Variants in CERS6 observed in about 807,000 individuals in gnomAD.
CERS6 encodes ceramide synthase 6, also known as LAG1 homolog, ceramide synthase 6.
Under a neutral mutation model 56.8 loss-of-function variants are expected in CERS6, and 26 were observed. The observed-to-expected ratio is 0.46, with a 90% confidence interval of 0.34 to 0.63. The LOEUF (loss-of-function observed/expected upper bound fraction) is 0.63. Among genes scored for constraint, CERS6 ranks in the 30% least tolerant of loss-of-function variants. CERS6 has a pLI of 0.01. For missense variants in CERS6, 415 were observed against 467.5 expected (o/e 0.89, Z 1.04); for synonymous variants, 164 against 173.3 (o/e 0.95, Z 0.42).
chr2:168,570,189 C>G (rs945081170), intron 3 of CERS6, among the ~76,000 whole-genome samples: 1 of 152,136 alleles, frequency 6.6e-6, no homozygotes, highest in Admixed American at 6.5e-5. Context: ...CCTAAGGAGG[C>G]GGAATCCATG....
At chr2:168,622,669 A>G (rs973388234) in intron 3 of CERS6, among the ~76,000 whole-genome samples, 1 of 152,222 alleles carries the variant, frequency 6.6e-6, no homozygotes, top group African/African-American at 2.4e-5. Context: ...CCAACCTCAA[A>G]GACTTTGCAT....
intron 1 of CERS6, among the ~76,000 whole-genome samples, chr2:168,504,414 G>T (rs916427551): frequency 2.6e-5 from 4 of 152,108 alleles, no homozygotes; most frequent in African/African-American, 9.7e-5. Flanking sequence ...TAACAGGGTA[G>T]AGTTGTGGGG....
chr2:168,624,027 G>T (rs1168408619), intron 3 of CERS6, among the ~76,000 whole-genome samples: 2 of 152,146 alleles, frequency 1.3e-5, no homozygotes, highest in African/African-American at 4.8e-5. Context: ...AAATTTAAGA[G>T]TGCAGGATTA....
At chr2:168,656,756 C>A (rs1186528676) in intron 4 of CERS6, among the ~76,000 whole-genome samples, 1 of 152,102 alleles carries the variant, frequency 6.6e-6, no homozygotes, top group Non-Finnish European at 1.5e-5. Flanking sequence ...CGGGTTGCCA[C>A]TGCTGGCTCG....
At chr2:168,472,834 G>T (rs1280368810) in intron 1 of CERS6, among the ~76,000 whole-genome samples, 1 of 152,128 alleles carries the variant, frequency 6.6e-6, no homozygotes, top group Non-Finnish European at 1.5e-5. Context: ...CTTGAATATA[G>T]ATGGTCTCAC....
intron 1 of CERS6, among the ~76,000 whole-genome samples, chr2:168,469,136 A>AT (rs533054712): frequency 2.0e-5 from 3 of 152,058 alleles, no homozygotes; most frequent in African/African-American, 4.8e-5. Flanking sequence ...ATATGTATGT[A>AT]TTTTTTTTCT....
intron 8 of CERS6, among the ~76,000 whole-genome samples, chr2:168,728,989 G>A (rs1205283478): frequency 7.5e-6 from 1 of 133,984 alleles, no homozygotes; most frequent in African/African-American, 2.9e-5. Flanking sequence ...CAGCCTGGCC[G>A]ACAGAGCGAG....
intron 2 of CERS6, among the ~76,000 whole-genome samples, chr2:168,556,309 G>T (rs1695678122): frequency 6.6e-6 from 1 of 152,034 alleles, no homozygotes. Context: ...CACATTAAAA[G>T]AATTGTTTAT....
intron 3 of CERS6, among the ~76,000 whole-genome samples, chr2:168,595,885 G>A (rs2105406605): frequency 6.6e-6 from 1 of 152,138 alleles, no homozygotes; most frequent in Non-Finnish European, 1.5e-5. Context: ...TTCAATGTAA[G>A]TAGACTTAAG....
intron 1 of CERS6, among the ~76,000 whole-genome samples, chr2:168,461,231 A>C (rs1308510934): frequency 6.6e-6 from 1 of 152,160 alleles, no homozygotes; most frequent in African/African-American, 2.4e-5. Flanking sequence ...CTGGATGTTA[A>C]ACCCTATAAG....
intron 1 of CERS6, among the ~76,000 whole-genome samples, chr2:168,514,187 T>C (rs934124980): frequency 6.6e-6 from 1 of 152,216 alleles, no homozygotes; most frequent in African/African-American, 2.4e-5. Context: ...TCAGAGTCTG[T>C]CAGGCCAAAT....
intron 3 of CERS6, among the ~76,000 whole-genome samples, chr2:168,600,612 C>T (rs1256143212): frequency 3.3e-5 from 5 of 152,194 alleles, no homozygotes; most frequent in Non-Finnish European, 7.3e-5. Context: ...AGTTCAACCC[C>T]TTGGCATCTC....
rs184468665 is a variant in CERS6, at chr2:168,720,516, G to A, written c.845+2538G>A. The stretch of plus-strand genomic sequence containing the variant: ...AGTCTGCTGTTTGCTGCGTCCGTAC[G>A]AGTCAGGATAGTATACTGGTTAGCT... On this transcript the variant is annotated intron_variant, in intron 8 of 9. Transcript: ENST00000305747. 4.6e-5 allele frequency among the ~76,000 whole-genome samples: 7 copies of A among 152,194 alleles called. No individual in the cohort carries two copies. The East Asian group carries it at 5.8e-4, about 13-fold the overall frequency.
intron 1 of CERS6, among the ~76,000 whole-genome samples, chr2:168,491,241 G>T (rs1056931954): frequency 1.3e-5 from 2 of 152,206 alleles, no homozygotes; most frequent in African/African-American, 4.8e-5. Flanking sequence ...AAGGAAAGAG[G>T]ATTAGGTTAA....
intron 2 of CERS6, among the ~76,000 whole-genome samples, chr2:168,555,074 G>T (rs1695651537): frequency 1.3e-5 from 2 of 151,938 alleles, no homozygotes; most frequent in Admixed American, 6.6e-5. Flanking sequence ...AAGATCTAAG[G>T]GGGTACATTT....
At chr2:168,688,333 G>T (rs1686408197) in intron 4 of CERS6, among the ~76,000 whole-genome samples, 1 of 151,732 alleles carries the variant, frequency 6.6e-6, no homozygotes, top group Non-Finnish European at 1.5e-5. Flanking sequence ...TTTTATCAAT[G>T]GAGGCAGGAG....
At chr2:168,544,514 C>T (rs968708383) in intron 1 of CERS6, among the ~76,000 whole-genome samples, 2 of 152,134 alleles carry the variant, frequency 1.3e-5, no homozygotes, top group South Asian at 2.1e-4. Context: ...GAGAGGGATG[C>T]ACCTGTTACA....
intron 8 of CERS6, among the ~76,000 whole-genome samples, chr2:168,744,044 C>G (rs1684015825): frequency 7.8e-6 from 1 of 127,768 alleles, no homozygotes; most frequent in Non-Finnish European, 1.6e-5. Flanking sequence ...GTCACCCAGG[C>G]TGGAAGGCTG....
chr2:168,513,856 C>T (rs776144366), intron 1 of CERS6, among the ~76,000 whole-genome samples: 53 of 152,116 alleles, frequency 3.5e-4, no homozygotes, highest in East Asian at 1.9e-4. Flanking sequence ...GAGGTGGAGC[C>T]GGACCAGAGC....
Sources: allele counts gnomAD v4.1 joint callset (sites outside exome capture counted in the v4.1 genomes callset), GRCh38; gene constraint gnomAD v4.1.1; transcripts MANE v1.5; gene names NCBI Gene and HGNC (gene_info 2026-07-23, HGNC 2026-07-21).